ANKRD6: variants seen among roughly 807,000 people sequenced by gnomAD.
ANKRD6 encodes ankyrin repeat domain-containing protein 6.
Under a neutral mutation model 82.3 loss-of-function variants are expected in ANKRD6, and 56 were observed. That is an observed-to-expected ratio of 0.68 (90% CI 0.55 to 0.85). ANKRD6 has a LOEUF of 0.85. Among genes scored for constraint, ANKRD6 ranks in the 40% least tolerant of loss-of-function variants. The probability of loss-of-function intolerance (pLI) is 0.00; values close to 1 mark genes in which losing one functional copy is unlikely to be tolerated. For missense variants in ANKRD6, 852 were observed against 907.6 expected, an observed-to-expected ratio of 0.94 and a Z score of 0.79; for synonymous variants, 347 against 352.1, an observed-to-expected ratio of 0.99 and a Z score of 0.16.
chr6:89,609,831 T>C (rs1475253711), intron 5 of ANKRD6, among the ~76,000 whole-genome samples: 1 of 151,972 alleles, frequency 6.6e-6, no homozygotes, highest in Non-Finnish European at 1.5e-5. Context: ...GGGATGGTCT[T>C]GATCTCTTGA....
chr6:89,623,452 G>T lies in ANKRD6; in HGVS notation c.940G>T (p.Val314Leu). 1 of 1,611,040 alleles carries T rather than the reference G, an allele frequency of 6.2e-7. No individual in the cohort carries two copies. The highest frequency in any genetic ancestry group is 8.5e-7 in the Non-Finnish European group (1 of 1,178,618). The part of the protein sequence containing the change: ...AGDTPSSEQA[V>L]ARKEEAREEF... ...AGACACCCCCAGCAGTGAACAGGCT[G>T]TGGCCAGAAAAGAAGAAGCCAGAGA... is the stretch of plus-strand genomic sequence containing the variant. The change falls in exon 11 of 16, where the codon GTG becomes TTG. Residue 314 changes from valine to leucine, a missense_variant. Val to Leu is a conservative substitution (Grantham distance 32, BLOSUM62 1). Transcript: ENST00000339746.
At chr6:89,614,854 A>AAC (rs1013292979) in intron 7 of ANKRD6, among the ~76,000 whole-genome samples, 6 of 149,006 alleles carry the variant, frequency 4.0e-5, no homozygotes, top group Non-Finnish European at 8.9e-5. Context: ...AAAAAAAACA[A>AAC]AAAAAAAAAC....
chr6:89,539,796 A>G (rs12213524), intron 1 of ANKRD6, among the ~76,000 whole-genome samples: 24,328 of 148,822 alleles, frequency 0.16, 2,508 homozygotes, highest in Non-Finnish European at 0.22. Flanking sequence ...CCAGCCCCCA[A>G]TAACTCCCCA....
At chr6:89,625,020 C>A (rs1455936851) in intron 13 of ANKRD6, among the ~76,000 whole-genome samples, 2 of 152,202 alleles carry the variant, frequency 1.3e-5, no homozygotes, top group African/African-American at 4.8e-5. Context: ...TGGTGGCTCA[C>A]ACCTGTAATC....
rs61744890 is a variant in ANKRD6 at position 89,606,057 on chromosome 6, A to G, written c.369A>G (p.Ser123=). ...CATCCTGGCATGGTTTCAGCCAGTC[A>G]GCCAAGCTGCTCATTAAAGCAGGAG... is the stretch of plus-strand genomic sequence containing the variant. ...HEASWHGFSQ[S]AKLLIKAGAN... The change falls in exon 5 of 16, where the codon TCA becomes TCG. Residue 123 remains serine, a synonymous_variant. Coordinates refer to ENST00000339746, the MANE Select transcript of ANKRD6 (RefSeq NM_001242809.2). The G allele has an allele frequency of 1.1e-3, 1,723 of 1,595,724 alleles. 18 individuals are homozygous for G. In the African/African-American group the frequency reaches 0.021, roughly 19 times the overall value.
chr6:89,579,463 T>G (rs1791958823), intron 2 of ANKRD6, among the ~76,000 whole-genome samples: 1 of 152,158 alleles, frequency 6.6e-6, no homozygotes, highest in African/African-American at 2.4e-5. Context: ...CTCAGCCTCA[T>G]GAGATCGCCA....
At chr6:89,462,038 C>A (rs1405945599) in intron 1 of ANKRD6, among the ~76,000 whole-genome samples, 2 of 151,994 alleles carry the variant, frequency 1.3e-5, no homozygotes, top group Non-Finnish European at 2.9e-5. Flanking sequence ...TCGAGACCAA[C>A]CTGGCCAATA....
Position 89,447,061 on chromosome 6 carries a change from T to A in ANKRD6, c.-144+13686T>A, listed in dbSNP as rs150309688. On this transcript the variant is annotated intron_variant, in intron 1 of 15. Coordinates refer to ENST00000339746, the MANE Select transcript of ANKRD6 (RefSeq NM_001242809.2). ...TTGTAGCAGCATGATAATTGACTAATACACCAACGTAGTGAAATCCTGTCT... is the reference window on the plus strand; with the variant it reads ...TTGTAGCAGCATGATAATTGACTAAAACACCAACGTAGTGAAATCCTGTCT... Among the ~76,000 whole-genome samples, 779 of 152,274 alleles carry A rather than the reference T, an allele frequency of 5.1e-3. 8 individuals are homozygous for A. Among genetic ancestry groups the A allele is most frequent in the African/African-American group, 0.018 (748 of 41,564 alleles).
intron 1 of ANKRD6, among the ~76,000 whole-genome samples, chr6:89,491,762 A>C (rs1173782498): frequency 6.6e-6 from 1 of 152,152 alleles, no homozygotes; most frequent in Non-Finnish European, 1.5e-5. Context: ...CGTTGTGCAC[A>C]TGTACCCTAG....
At chr6:89,522,904 C>G (rs996159399) in intron 1 of ANKRD6, among the ~76,000 whole-genome samples, 9 of 152,048 alleles carry the variant, frequency 5.9e-5, no homozygotes, top group Non-Finnish European at 1.2e-4. Context: ...TCTAGTGTCC[C>G]GAAGCCCTAC....
intron 1 of ANKRD6, among the ~76,000 whole-genome samples, chr6:89,456,555 C>A (rs377676551): frequency 6.6e-5 from 10 of 152,108 alleles, no homozygotes; most frequent in Admixed American, 3.9e-4. Context: ...CCCTAATGGC[C>A]TCATTTTAAC....
chr6:89,488,102 C>G (rs1338719403), intron 1 of ANKRD6, among the ~76,000 whole-genome samples: 2 of 152,188 alleles, frequency 1.3e-5, no homozygotes, highest in Non-Finnish European at 2.9e-5. Context: ...TGACTCAATT[C>G]TCCCACCTGT....
chr6:89,588,733 C>T (rs1051486870), intron 2 of ANKRD6, among the ~76,000 whole-genome samples: 11 of 152,216 alleles, frequency 7.2e-5, no homozygotes, highest in African/African-American at 1.7e-4. Context: ...AGACCAGGCA[C>T]GGTGGCTCAC....
rs1294127479 is a variant in ANKRD6 at position 89,502,839 on chromosome 6, G to T, written c.-143-63995G>T. On this transcript the variant is annotated intron_variant, in intron 1 of 15. Coordinates refer to ENST00000339746, the MANE Select transcript of ANKRD6 (RefSeq NM_001242809.2). ...TAAAAATACAGAGATCTTCACTTAG[G>T]GTATGACAAGATAAATTTTATTCCA... is the stretch of plus-strand genomic sequence containing the variant. Among the ~76,000 whole-genome samples the T allele has an allele frequency of 5.9e-4, 90 of 152,128 alleles. 1 individual carries two copies. The highest frequency in any genetic ancestry group is 1.6e-4 in the Non-Finnish European group (11 of 68,038).
intron 3 of ANKRD6, among the ~76,000 whole-genome samples, chr6:89,600,066 C>G (rs546857338): frequency 3.3e-5 from 5 of 152,108 alleles, no homozygotes; most frequent in African/African-American, 1.2e-4. Context: ...GTGTTCTCGC[C>G]GCAACCTCAC....
intron 1 of ANKRD6, among the ~76,000 whole-genome samples, chr6:89,539,981 T>C (rs750368617): frequency 1.3e-5 from 2 of 152,152 alleles, no homozygotes; most frequent in Non-Finnish European, 2.9e-5. Flanking sequence ...AATGACTGGA[T>C]CTCATTATTT....
intron 1 of ANKRD6, among the ~76,000 whole-genome samples, chr6:89,520,138 C>T (rs969926721): frequency 2.0e-5 from 3 of 152,178 alleles, no homozygotes; most frequent in African/African-American, 4.8e-5. Flanking sequence ...CATGCACCAC[C>T]ATGCCTGGCT....
At chr6:89,565,956 A>C (rs1445103944) in intron 1 of ANKRD6, among the ~76,000 whole-genome samples, 5 of 152,218 alleles carry the variant, frequency 3.3e-5, no homozygotes, top group African/African-American at 9.6e-5. Flanking sequence ...GGTTGGGTCT[A>C]ATGGCAGCCC....
chr6:89,520,138 C>A (rs969926721), intron 1 of ANKRD6, among the ~76,000 whole-genome samples: 1 of 152,178 alleles, frequency 6.6e-6, no homozygotes, highest in African/African-American at 2.4e-5. Flanking sequence ...CATGCACCAC[C>A]ATGCCTGGCT....
Sources: gnomAD v4.1 joint callset for allele counts (sites outside exome capture counted in the v4.1 genomes callset) on GRCh38, gnomAD v4.1.1 for gene constraint, MANE v1.5 for transcripts, NCBI Gene and HGNC (gene_info 2026-07-23, HGNC 2026-07-21) for gene names.